Variants in ZNF440 observed in about 807,000 individuals in gnomAD.
ZNF440 encodes zinc finger protein 440.
A neutral mutation model predicts 49.7 loss-of-function variants in ZNF440; 47 were observed. That is an observed-to-expected ratio of 0.95 (90% CI 0.75 to 1.21). The LOEUF is 1.21. Among genes scored for constraint, ZNF440 ranks in the 50% most tolerant of loss-of-function variants. The pLI is 0.00. For synonymous variants in ZNF440, 255 were observed against 237.7 expected (o/e 1.07, Z -0.67); for missense variants, 703 against 715.0 (o/e 0.98, Z 0.19).
Position 11,814,460 on chromosome 19 carries a change from A to AG in ZNF440, c.3+15dup. 6.5e-7 allele frequency: 1 copy of AG among 1,530,912 alleles called. No individual in the cohort carries two copies. The highest frequency in any genetic ancestry group is 8.8e-7 in the Non-Finnish European group (1 of 1,140,202). 94.8% of individuals were successfully genotyped at this position (1,530,912 alleles called of 1,614,324 possible). ...TGGAAGCCGAGAAATGGTGTGTGTG[A>AG]GGGGGCTGGCGTCCGGGCGACTGGG... On this transcript the variant is annotated intron_variant, in intron 1 of 3. Transcript: ENST00000304060.
rs1975982731 is a variant in ZNF440, at chr19:11,833,658, G to A, written c.*694G>A. On this transcript the variant is annotated 3_prime_UTR_variant, in exon 4 of 4. Coordinates refer to ENST00000304060, the MANE Select transcript of ZNF440 (RefSeq NM_152357.3). ...GACTCACATGGGAGAGAAACCCTAT[G>A]AGTGTATGCCAAGTGGGAAAGCCTT... is the stretch of plus-strand genomic sequence containing the variant. The A allele has an allele frequency of 4.7e-6, 2 of 427,040 alleles. No individual in the cohort carries two copies. The highest frequency in any genetic ancestry group is 5.1e-5 in the South Asian group (2 of 38,994). The allele number at this position is 427,040 out of a possible 1,614,324, so 26.5% of individuals were successfully genotyped here. A position where few individuals can be genotyped will look rare whatever the true frequency, so the allele number is the denominator to read the frequency against.
chr19:11,831,666 A>G lies in ZNF440; in HGVS notation c.490A>G (p.Arg164Gly), dbSNP rs1240469318. The G allele has an allele frequency of 3.7e-6, 6 of 1,614,208 alleles. No homozygotes were observed. Among genetic ancestry groups the G allele is most frequent in the Middle Eastern group, 1.6e-4 (1 of 6,062 alleles). The change falls in exon 4 of 4, where the codon AGG (arginine) becomes GGG (glycine). Residue 164 changes from arginine (R) to glycine (G), a missense_variant. Physicochemically the swap from Arg to Gly is moderately radical, Grantham distance 125 (BLOSUM62 -2). Coordinates refer to ENST00000304060, the MANE Select transcript of ZNF440 (RefSeq NM_152357.3). ...CCGCCCCTCCTTTAGAACACAAGAA[A>G]GGGATCACACTGGAGAGAAACCCAA... ...RYRPSFRTQE[R>G]DHTGEKPNAC...
intron 1 of ZNF440, 66 bp from the exon 2 acceptor site, chr19:11,830,217 A>G: frequency 6.3e-7 from 1 of 1,597,930 alleles, no homozygotes; most frequent in Non-Finnish European, 8.5e-7. Context: ...CTTCTTGGGA[A>G]TAGAGTCTAG....
chr19:11,827,067 CTT>C (rs35413250), intron 1 of ZNF440, among the ~76,000 whole-genome samples: 3 of 140,374 alleles, frequency 2.1e-5, no homozygotes, highest in Non-Finnish European at 1.5e-5. Flanking sequence ...AAAGATTGGG[CTT>C]TTTTTTTTTT....
Position 11,833,591 on chromosome 19 carries a change from A to G in ZNF440, c.*627A>G, listed in dbSNP as rs1004691096. ...AACCCTATCAATGTAAGCAATGTGC[A>G]AAAGCCTTTATTTCTTCCACTTCTT... On this transcript the variant is annotated 3_prime_UTR_variant, in exon 4 of 4. Transcript: ENST00000304060. 11 of 302,768 alleles carry G rather than the reference A, an allele frequency of 3.6e-5. No homozygotes were observed. Among genetic ancestry groups the G allele is most frequent in the Middle Eastern group, 4.4e-4 (1 of 2,252 alleles). The allele number at this position is 302,768 out of a possible 1,614,324, so 18.8% of individuals were successfully genotyped here.
In ZNF440 at chr19:11,833,492, G is replaced by T; in HGVS notation, c.*528G>T. On this transcript the variant is annotated 3_prime_UTR_variant, in exon 4 of 4. Transcript: ENST00000304060. ...GACTCACACTGGAAGGAAACACTAT[G>T]AATGCAAGCAATGTGGCAAAGCTTT... 3.0e-6 allele frequency: 1 copy of T among 332,400 alleles called. No individual in the cohort carries two copies. 20.6% of individuals were successfully genotyped at this position (332,400 alleles called of 1,614,324 possible).
In ZNF440 at chr19:11,834,675, A is replaced by G. The variant is rs1021979886; in HGVS notation, c.*1711A>G. 1.3e-5 allele frequency: 2 copies of G among 152,252 alleles called. No individual in the cohort carries two copies. The allele number at this position is 152,252 out of a possible 1,614,324, so 9.4% of individuals were successfully genotyped here. On this transcript the variant is annotated 3_prime_UTR_variant, in exon 4 of 4. Coordinates refer to ENST00000304060, the MANE Select transcript of ZNF440 (RefSeq NM_152357.3). ...ACGTTTTCCTCTATCACATTTAAAA[A>G]TATAGTTACAAAATGCCCTTGTTTT...
intron 1 of ZNF440, among the ~76,000 whole-genome samples, chr19:11,823,522 A>G (rs1408916871): frequency 1.3e-5 from 2 of 152,194 alleles, no homozygotes; most frequent in Non-Finnish European, 2.9e-5. Context: ...ACGTTACATC[A>G]TAGTGCTATT....
In ZNF440 at chr19:11,832,445, G is replaced by GTA; in HGVS notation, c.1271_1272dup (p.Glu425MetfsTer13). The GTA allele has an allele frequency of 6.2e-7, 1 of 1,607,416 alleles. No homozygotes were observed. Among genetic ancestry groups the GTA allele is most frequent in the South Asian group, 1.1e-5 (1 of 90,516 alleles). The stretch of plus-strand genomic sequence containing the variant: ...GTAGGACTCACACTGGAGAGAAACC[G>GTA]TATGAATGTAAGGAATGTGGGAAAG... On this transcript the variant is annotated frameshift_variant, in exon 4 of 4. Transcript: ENST00000304060. LOFTEE classifies it high-confidence loss of function.
At chr19:11,827,662 T>C (rs891563879) in intron 1 of ZNF440, 1 of 152,252 alleles carries the variant, frequency 6.6e-6, no homozygotes, top group Non-Finnish European at 1.5e-5. Context: ...ATTTTCCATA[T>C]AAGTAAACGA....
At chr19:11,829,692 G>A (rs1195799206) in intron 1 of ZNF440, among the ~76,000 whole-genome samples, 1 of 152,138 alleles carries the variant, frequency 6.6e-6, no homozygotes, top group Non-Finnish European at 1.5e-5. Context: ...AACTAGCCAG[G>A]TGTGGTGGCA....
chr19:11,827,405 T>G (rs1165649781), intron 1 of ZNF440, among the ~76,000 whole-genome samples: 1 of 152,186 alleles, frequency 6.6e-6, no homozygotes, highest in Non-Finnish European at 1.5e-5. Context: ...TTATAGAATT[T>G]TAGGAGTTCT....
chr19:11,822,628 A>G (rs1975812795), intron 1 of ZNF440, among the ~76,000 whole-genome samples: 1 of 152,156 alleles, frequency 6.6e-6, no homozygotes, highest in African/African-American at 2.4e-5. Context: ...CGGGTGGAAC[A>G]CCTGAGATCA....
chr19:11,826,252 C>A (rs1053212230), intron 1 of ZNF440, among the ~76,000 whole-genome samples: 4 of 152,062 alleles, frequency 2.6e-5, no homozygotes, highest in South Asian at 4.1e-4. Context: ...ACATGGGAGA[C>A]TGAGATGAGA....
intron 1 of ZNF440, among the ~76,000 whole-genome samples, chr19:11,825,445 C>T (rs1163922632): frequency 7.0e-6 from 1 of 143,074 alleles, no homozygotes; most frequent in African/African-American, 2.9e-5. Flanking sequence ...TCCTTCTAAT[C>T]ATACCTCTCC....
chr19:11,827,188 T>C (rs370132298), intron 1 of ZNF440, among the ~76,000 whole-genome samples: 13 of 151,794 alleles, frequency 8.6e-5, no homozygotes, highest in African/African-American at 2.4e-4. Context: ...CTCAGCCTCC[T>C]GAGTAACTGG....
Position 11,832,915 on chromosome 19 carries a change from C to G in ZNF440, c.1739C>G (p.Ser580Trp). 1 of 1,611,906 alleles carries G rather than the reference C, an allele frequency of 6.2e-7. No homozygotes were observed. Among genetic ancestry groups the G allele is most frequent in the Non-Finnish European group, 8.5e-7 (1 of 1,179,126 alleles). ...PMHVRNVGNP[S>W]DLPRTFEFMK... ...CATGTAAGGAATGTGGGAAACCCTT[C>G]GGATCTGCCCAGAACCTTCGAATTC... The change falls in exon 4 of 4, where the codon TCG becomes TGG. Residue 580 changes from serine to tryptophan, a missense_variant. Transcript: ENST00000304060.
At chr19:11,819,143 C>T (rs918289984) in intron 1 of ZNF440, among the ~76,000 whole-genome samples, 7 of 151,978 alleles carry the variant, frequency 4.6e-5, no homozygotes, top group African/African-American at 7.3e-5. Flanking sequence ...CCCTCCCCCC[C>T]ATCTCAATTA....
At position 11,831,365 on chromosome 19, in the gene ZNF440, C is replaced by T; in HGVS notation, c.192-3C>T. 3 of 1,599,032 alleles carry T rather than the reference C, an allele frequency of 1.9e-6. No homozygotes were observed. Among genetic ancestry groups the T allele is most frequent in the South Asian group, 1.1e-5 (1 of 88,060 alleles). Reference sequence around the variant, plus strand: ...TTCATAATATGCTTCTCATTTTTGACAGGAGTCTCATAGAAGAAAAAGTCA... The same window carrying T: ...TTCATAATATGCTTCTCATTTTTGATAGGAGTCTCATAGAAGAAAAAGTCA... On this transcript the variant is annotated splice_polypyrimidine_tract_variant and splice_region_variant and intron_variant, in intron 3 of 3. Coordinates refer to ENST00000304060, the MANE Select transcript of ZNF440 (RefSeq NM_152357.3).
Sources: allele counts gnomAD v4.1 joint callset (sites outside exome capture counted in the v4.1 genomes callset), GRCh38; gene constraint gnomAD v4.1.1; transcripts MANE v1.5; gene names NCBI Gene and HGNC (gene_info 2026-07-23, HGNC 2026-07-21).